The following ZNF469 variants were observed in gnomAD, a reference collection of about 807,000 sequenced individuals.
ZNF469 encodes the protein zinc finger protein 469.
ZNF469 carries 1 observed loss-of-function variant against 1.0 expected under a neutral mutation model. The ratio of observed to expected loss-of-function variants is 1.00; its 90% CI spans 0.35 to 4.73. ZNF469 has a LOEUF of 4.73. Ranked by LOEUF, ZNF469 falls within the 30% of genes most tolerant of loss-of-function variation. ZNF469 has a pLI of 0.16. For missense variants in ZNF469, 6,100 were observed against 5,356.3 expected (o/e 1.14, Z -4.33); for synonymous variants, 2,703 against 2,363.4 (o/e 1.14, Z -4.17).
chr16:88,126,336 A>G, the ZNF469 span, among the ~76,000 whole-genome samples: 2 of 151,516 alleles, frequency 1.3e-5, no homozygotes, highest in Non-Finnish European at 2.9e-5. Context: ...AACCTAGTAC[A>G]ATGTGAGATA....
At chr16:88,174,512 A>ATCTATCTC in the ZNF469 span, among the ~76,000 whole-genome samples, 1 of 129,810 alleles carries the variant, frequency 7.7e-6, no homozygotes, top group African/African-American at 3.2e-5. Flanking sequence ...CTATCTATCT[A>ATCTATCTC]TCATCTATCT....
At chr16:88,298,782 A>G in the ZNF469 span, among the ~76,000 whole-genome samples, 1 of 151,962 alleles carries the variant, frequency 6.6e-6, no homozygotes, top group Non-Finnish European at 1.5e-5. Flanking sequence ...CGTGCATTCC[A>G]TCCTTAAATA....
the ZNF469 span, among the ~76,000 whole-genome samples, chr16:88,315,648 A>G: frequency 1.1e-4 from 16 of 152,262 alleles, no homozygotes; most frequent in South Asian, 3.1e-3. Flanking sequence ...GGGCTGGGGA[A>G]GTGCACATCC....
rs1423546353 is a variant in ZNF469, at chr16:88,429,481, T to C, written c.2011T>C (p.Phe671Leu). 1 of 1,532,838 alleles carries C rather than the reference T, an allele frequency of 6.5e-7. No individual in the cohort carries two copies. Among genetic ancestry groups the C allele is most frequent in the Non-Finnish European group, 8.8e-7 (1 of 1,135,970 alleles). The allele number at this position is 1,532,838 out of a possible 1,614,324, so 95.0% of individuals were successfully genotyped here. ...YQPEPAKAFPFPADGLGAEGA... is the reference protein window; with the variant it reads ...YQPEPAKAFPLPADGLGAEGA... ...GCCAGAGCCAGCCAAGGCCTTCCCT[T>C]TTCCCGCAGATGGGCTGGGAGCCGA... The change falls in exon 3 of 3, where the codon TTT becomes CTT. Residue 671 changes from phenylalanine to leucine, a missense_variant. Transcript: ENST00000565624.
At chr16:88,112,876 T>C in the ZNF469 span, among the ~76,000 whole-genome samples, 1 of 147,358 alleles carries the variant, frequency 6.8e-6, no homozygotes, top group Non-Finnish European at 1.5e-5. Flanking sequence ...CTCCCGGGTT[T>C]GCGCTATTCT....
At chr16:88,296,630 TCA>T in the ZNF469 span, among the ~76,000 whole-genome samples, 9 of 149,322 alleles carry the variant, frequency 6.0e-5, no homozygotes, top group African/African-American at 1.7e-4. Flanking sequence ...TCATGCACAC[TCA>T]CATACGCATA....
chr16:88,227,297 G>A, the ZNF469 span, among the ~76,000 whole-genome samples: 1 of 152,328 alleles, frequency 6.6e-6, no homozygotes, highest in South Asian at 2.1e-4. Context: ...CAGGAAGAGA[G>A]AGGAAGCGGG....
Position 88,428,817 on chromosome 16 carries a change from C to A in ZNF469, c.1347C>A (p.Pro449=), listed in dbSNP as rs777999978. ...QLWDPTAAPY[P]TPPGGPLAAT... ...GGGACCCCACAGCAGCCCCTTACCC[C>A]ACACCTCCTGGGGGCCCCCTGGCTG... The change falls in exon 3 of 3, where the codon CCC becomes CCA. Residue 449 remains proline, a synonymous_variant. Coordinates refer to ENST00000565624, the MANE Select transcript of ZNF469 (RefSeq NM_001367624.2). 1 of 1,547,810 alleles carries A rather than the reference C, an allele frequency of 6.5e-7. No homozygotes were observed.
At chr16:88,165,046 T>C in the ZNF469 span, among the ~76,000 whole-genome samples, 8 of 152,336 alleles carry the variant, frequency 5.3e-5, no homozygotes, top group South Asian at 1.7e-3. Flanking sequence ...CCGATGATCC[T>C]GAGGGAGGGG....
At chr16:88,421,369 C>T (rs1351665064) in intron 1 of ZNF469, among the ~76,000 whole-genome samples, 4 of 152,208 alleles carry the variant, frequency 2.6e-5, no homozygotes, top group African/African-American at 2.4e-5. Flanking sequence ...GGGATAGGAT[C>T]TCCCGACTTC....
At chr16:88,205,193 G>A in the ZNF469 span, among the ~76,000 whole-genome samples, 1 of 152,194 alleles carries the variant, frequency 6.6e-6, no homozygotes, top group East Asian at 1.9e-4. The surrounding 1 kb of genome is among the most constrained non-coding windows in gnomAD (Gnocchi z 4.2). Context: ...AGTAAATGGA[G>A]AATGAGGAAA....
chr16:88,182,669 G>T, the ZNF469 span, among the ~76,000 whole-genome samples: 1 of 150,468 alleles, frequency 6.6e-6, no homozygotes, highest in Non-Finnish European at 1.5e-5. Context: ...AATGGTTCTG[G>T]AATAGCTGGA....
the ZNF469 span, among the ~76,000 whole-genome samples, chr16:88,268,641 G>A: frequency 6.6e-6 from 1 of 152,194 alleles, no homozygotes; most frequent in African/African-American, 2.4e-5. Context: ...GGTTGGCACC[G>A]CCAGCAGGAC....
At chr16:88,190,055 G>A in the ZNF469 span, among the ~76,000 whole-genome samples, 2 of 101,432 alleles carry the variant, frequency 2.0e-5, no homozygotes, top group East Asian at 7.2e-4. Flanking sequence ...CTCTCTTGTT[G>A]CCTTGTCTTG....
the ZNF469 span, among the ~76,000 whole-genome samples, chr16:88,226,691 T>C: frequency 8.6e-5 from 13 of 151,856 alleles, no homozygotes; most frequent in Middle Eastern, 3.4e-3. Flanking sequence ...AGACCTCGAA[T>C]GTCCCCTGGC....
At chr16:88,309,991 G>C in the ZNF469 span, among the ~76,000 whole-genome samples, 3 of 152,018 alleles carry the variant, frequency 2.0e-5, no homozygotes, top group Admixed American at 2.0e-4. Context: ...TGACCCACCC[G>C]TGTTGTAAAA....
the ZNF469 span, among the ~76,000 whole-genome samples, chr16:88,152,044 T>C: frequency 1.3e-5 from 2 of 152,210 alleles, no homozygotes; most frequent in South Asian, 2.1e-4. The surrounding 1 kb of genome is among the most constrained non-coding windows in gnomAD (Gnocchi z 4.2). Flanking sequence ...TTCTCAGCTC[T>C]TGGGGGCAGG....
chr16:88,425,347 T>C (rs1248021811), intron 2 of ZNF469, among the ~76,000 whole-genome samples: 1 of 152,206 alleles, frequency 6.6e-6, no homozygotes, highest in Non-Finnish European at 1.5e-5. Context: ...CATGTGGGAC[T>C]GGGCTTCATG....
At chr16:88,372,637 C>A in the ZNF469 span, among the ~76,000 whole-genome samples, 1 of 151,480 alleles carries the variant, frequency 6.6e-6, no homozygotes, top group Non-Finnish European at 1.5e-5. Context: ...ACCATCACCA[C>A]CATCATCATT....
Sources: gnomAD v4.1 joint callset for allele counts (sites outside exome capture counted in the v4.1 genomes callset) on GRCh38, gnomAD v4.1.1 for gene constraint, Gnocchi (gnomAD v3.1) non-coding constraint, MANE v1.5 for transcripts, NCBI Gene and HGNC (gene_info 2026-07-23, HGNC 2026-07-21) for gene names.